LYPD3: variants seen among roughly 807,000 people sequenced by gnomAD.
LYPD3 encodes ly6/PLAUR domain-containing protein 3.
A neutral mutation model predicts 21.7 loss-of-function variants in LYPD3; 22 were observed. The ratio of observed to expected loss-of-function variants is 1.01; its 90% CI spans 0.72 to 1.45. The LOEUF (loss-of-function observed/expected upper bound fraction) is 1.45. LYPD3 is among the 40% of genes most tolerant of loss of function. The pLI, the probability that LYPD3 is intolerant of heterozygous loss-of-function variation, is 0.00. For synonymous variants in LYPD3, 179 were observed against 203.0 expected (o/e 0.88, Z 1.00); for missense variants, 471 against 466.9 (o/e 1.01, Z -0.08).
chr19:43,462,523 C>T (rs551026914), intron 4 of LYPD3, among the ~76,000 whole-genome samples: 3 of 152,040 alleles, frequency 2.0e-5, no homozygotes, highest in Non-Finnish European at 4.4e-5. Flanking sequence ...CCAGTCGTGG[C>T]GGTGCACCCT....
At chr19:43,462,524 G>A (rs1329688220) in intron 4 of LYPD3, among the ~76,000 whole-genome samples, 1 of 152,114 alleles carries the variant, frequency 6.6e-6, no homozygotes, top group Non-Finnish European at 1.5e-5. Flanking sequence ...CAGTCGTGGC[G>A]GTGCACCCTG....
rs201985619 is a variant in LYPD3, at chr19:43,463,673, A to C, written c.308T>G (p.Ile103Ser). The change falls in exon 3 of 5, where the codon ATC becomes AGC. Residue 103 changes from isoleucine (I) to serine (S), a missense_variant. Coordinates refer to ENST00000244333, the MANE Select transcript of LYPD3 (RefSeq NM_014400.3). ...GLDLHGLLAF[I>S]QLQQCAQDRC... ...ATCCTGAGCGCATTGCTGCAGCTGG[A>C]TGAACGCCAGAAGCCCGTGAAGATC... 7.3e-5 allele frequency: 118 copies of C among 1,610,842 alleles called. No homozygotes were observed. The highest frequency in any genetic ancestry group is 1.8e-4 in the Admixed American group (11 of 60,024).
chr19:43,463,785 A>G lies in LYPD3; in HGVS notation c.212-16T>C. 1 of 1,606,476 alleles carries G rather than the reference A, an allele frequency of 6.2e-7. No homozygotes were observed. Among genetic ancestry groups the G allele is most frequent in the Non-Finnish European group, 8.5e-7 (1 of 1,176,640 alleles). On this transcript the variant is annotated splice_polypyrimidine_tract_variant and intron_variant, in intron 2 of 4. Transcript: ENST00000244333. ...TGTCCGTGGACTAGGGAGAGGGACA[A>G]GGGCGGGATTAGCTGTGGGCGTGGT...
chr19:43,464,512 A>C, intron 1 of LYPD3, 56 bp from the exon 2 acceptor site: 1 of 1,609,144 alleles, frequency 6.2e-7, no homozygotes, highest in East Asian at 2.2e-5. Context: ...GTCCACCCCC[A>C]AGGAGAAATA....
chr19:43,463,846 T>C, intron 2 of LYPD3, 77 bp from the exon 3 acceptor site: 1 of 1,358,856 alleles, frequency 7.4e-7, no homozygotes, highest in Admixed American at 1.7e-5. Context: ...GGGTAGGGTC[T>C]GGGAGGGGCG....
At chr19:43,464,081 C>T (rs1599922901) in intron 2 of LYPD3, 4 of 634,014 alleles carry the variant, frequency 6.3e-6, no homozygotes, top group Non-Finnish European at 1.1e-5. Flanking sequence ...GACGTGACCT[C>T]GTTCCAAACC....
chr19:43,463,690 G>T lies in LYPD3; in HGVS notation c.291C>A (p.His97Gln). 6.2e-7 allele frequency: 1 copy of T among 1,612,264 alleles called. No individual in the cohort carries two copies. The highest frequency in any genetic ancestry group is 1.3e-5 in the African/African-American group (1 of 75,064). Reference protein sequence around the residue: ...PGKNDRGLDLHGLLAFIQLQQ... With the variant: ...PGKNDRGLDLQGLLAFIQLQQ... ...GCAGCTGGATGAACGCCAGAAGCCC[G>T]TGAAGATCCAGGCCGCGGTCATTCT... The change falls in exon 3 of 5, where the codon CAC becomes CAA. Residue 97 changes from histidine to glutamine, a missense_variant. His to Gln is a conservative substitution (Grantham distance 24). Transcript: ENST00000244333.
chr19:43,463,947 C>T (rs1217990104), intron 2 of LYPD3, 178 bp from the exon 3 acceptor site: 1 of 700,252 alleles, frequency 1.4e-6, no homozygotes, highest in Admixed American at 2.7e-5. Context: ...AAAGAACGAC[C>T]GAAGCAGGGA....
rs762947301 is a variant in LYPD3, at chr19:43,463,515, C to A, written c.382+84G>T. 4.2e-5 allele frequency: 63 copies of A among 1,505,768 alleles called. 2 individuals carry two copies. The South Asian group carries it at 7.3e-4, about 17-fold the overall frequency. 93.3% of individuals were successfully genotyped at this position (1,505,768 alleles called of 1,614,324 possible). Reference sequence around the variant, plus strand: ...CCACCCCCAGCCCAGGTCGAGTACTCCCGCCTCTGCCACGGCTCCACCTCT... The same window carrying A: ...CCACCCCCAGCCCAGGTCGAGTACTACCGCCTCTGCCACGGCTCCACCTCT... On this transcript the variant is annotated intron_variant, in intron 3 of 4. Transcript: ENST00000244333.
rs937631418 is a variant in LYPD3, at chr19:43,464,245, A to T, written c.211+80T>A. On this transcript the variant is annotated intron_variant, in intron 2 of 4. Transcript: ENST00000244333. ...GGCCGCGTTAAAGGGGCGTGGCCAG[A>T]TCCAGAAAGGACTATAAGGAGGCGG... 9.2e-6 allele frequency: 14 copies of T among 1,521,330 alleles called. No homozygotes were observed. In the Admixed American group the frequency reaches 1.4e-4, roughly 15 times the overall value. The allele number at this position is 1,521,330 out of a possible 1,614,324, so 94.2% of individuals were successfully genotyped here.
At chr19:43,464,219 G>T in intron 2 of LYPD3, 106 bp downstream of exon 2, 1 of 1,417,724 alleles carries the variant, frequency 7.1e-7, no homozygotes, top group Non-Finnish European at 9.5e-7. Flanking sequence ...GGGAGGGGTG[G>T]GGCCGCGTTA....
Position 43,464,374 on chromosome 19 carries a change from G to T in LYPD3, c.162C>A (p.Cys54Ter). ...CGGTGCAGACGTCCACGCCCGGCGC[G>T]CACTTCACTGTCTTCATCTTGTTCG... ...CSPNKMKTVK[C>*]APGVDVCTEA... is the part of the protein sequence containing the mutation. The change falls in exon 2 of 5, where the codon TGC becomes TGA. Residue 54 changes from cysteine to a stop codon, truncating the protein, a stop_gained. Transcript: ENST00000244333. LOFTEE classifies it high-confidence loss of function. 6.2e-7 allele frequency: 1 copy of T among 1,613,888 alleles called. No individual in the cohort carries two copies. Among genetic ancestry groups the T allele is most frequent in the South Asian group, 1.1e-5 (1 of 91,038 alleles).
chr19:43,463,372 G>GC, intron 3 of LYPD3, 85 bp from the exon 4 acceptor site: 5 of 1,495,028 alleles, frequency 3.3e-6, no homozygotes, highest in Non-Finnish European at 4.5e-6. Context: ...CTAAGGCCTG[G>GC]CCCCGGCACT....
intron 4 of LYPD3, among the ~76,000 whole-genome samples, chr19:43,462,097 C>A (rs1970781098): frequency 6.6e-6 from 1 of 151,824 alleles, no homozygotes; most frequent in Non-Finnish European, 1.5e-5. Context: ...ATCCATTAAT[C>A]CCAAAATCTC....
At chr19:43,463,575 A>G (rs747255157) in intron 3 of LYPD3, 24 bp downstream of exon 3, 2 of 1,596,616 alleles carry the variant, frequency 1.3e-6, no homozygotes, top group Non-Finnish European at 1.7e-6. Flanking sequence ...CCGCCCCCGC[A>G]GCTACGGCCC....
chr19:43,464,858 C>T (rs536786279), intron 1 of LYPD3, among the ~76,000 whole-genome samples: 5 of 151,876 alleles, frequency 3.3e-5, no homozygotes, highest in Non-Finnish European at 7.4e-5. Flanking sequence ...CAGCCCCCTT[C>T]TGCTCAAATG....
rs900602566 is a variant in LYPD3 at position 43,463,720 on chromosome 19, G to A, written c.261C>T (p.Pro87=). ...GATCCAGGCCGCGGTCATTCTTGCC[G>A]GGGAGTCCCGAACCGCAACCCCGCA... ...LAVRGCGSGL[P]GKNDRGLDLH... is the part of the protein sequence containing the mutation. Residue 87 remains proline, a synonymous_variant, in exon 3 of 5, where the codon CCC becomes CCT. Transcript: ENST00000244333. 6 of 1,613,102 alleles carry A rather than the reference G, an allele frequency of 3.7e-6. No individual in the cohort carries two copies. The highest frequency in any genetic ancestry group is 4.2e-6 in the Non-Finnish European group (5 of 1,180,042).
intron 1 of LYPD3, among the ~76,000 whole-genome samples, chr19:43,464,930 T>TTTC (rs201638011): frequency 2.4e-5 from 2 of 82,234 alleles, no homozygotes; most frequent in Admixed American, 2.2e-4. Flanking sequence ...TTTTTTCTTT[T>TTTC]TTTCTTTTTT....
rs888136265 is a variant in LYPD3 at position 43,465,378 on chromosome 19, T to C, written c.79+115A>G. ...TAGGATGGGGGAACTTTGCCCACAG[T>C]GCCCTCTGCTTATGTGGGGATCCTT... On this transcript the variant is annotated intron_variant, in intron 1 of 4. Coordinates refer to ENST00000244333, the MANE Select transcript of LYPD3 (RefSeq NM_014400.3). The C allele has an allele frequency of 1.2e-5, 14 of 1,189,414 alleles. 1 individual carries two copies. The South Asian group carries it at 2.0e-4, about 17-fold the overall frequency. The allele number at this position is 1,189,414 out of a possible 1,614,324, so 73.7% of individuals were successfully genotyped here. A position where few individuals can be genotyped will look rare whatever the true frequency, so the allele number is the denominator to read the frequency against.
Sources: allele counts gnomAD v4.1 joint callset (sites outside exome capture counted in the v4.1 genomes callset), GRCh38; gene constraint gnomAD v4.1.1; transcripts MANE v1.5; gene names NCBI Gene and HGNC (gene_info 2026-07-23, HGNC 2026-07-21).